Variants in SCHIP1 observed in about 807,000 individuals in gnomAD.
SCHIP1 encodes the protein schwannomin interacting protein 1.
Under a neutral mutation model 29.7 loss-of-function variants are expected in SCHIP1, and 8 were observed. The observed-to-expected ratio is 0.27, with a 90% CI of 0.16 to 0.49. The LOEUF (loss-of-function observed/expected upper bound fraction) is 0.49, where lower values mean the gene tolerates loss of function less well. SCHIP1 is among the 20% of genes least tolerant of loss of function. The pLI is 0.99. For missense variants in SCHIP1, 193 were observed against 294.6 expected (o/e 0.66, Z 2.52); for synonymous variants, 76 against 94.9 (o/e 0.80, Z 1.16).
the SCHIP1 span, among the ~76,000 whole-genome samples, chr3:159,545,308 G>A: frequency 3.9e-5 from 6 of 151,972 alleles, no homozygotes; most frequent in African/African-American, 9.7e-5. Context: ...GGGAAAGGCC[G>A]ACCCAACTTT....
the SCHIP1 span, among the ~76,000 whole-genome samples, chr3:159,637,148 TA>T: frequency 6.6e-6 from 1 of 152,214 alleles, no homozygotes; most frequent in African/African-American, 2.4e-5. Flanking sequence ...GATTTCAGGA[TA>T]TTTTTCATTG....
At chr3:159,471,442 CATAAA>C in the SCHIP1 span, among the ~76,000 whole-genome samples, 3 of 151,832 alleles carry the variant, frequency 2.0e-5, no homozygotes, top group Non-Finnish European at 4.4e-5. Context: ...TAACTCACAC[CATAAA>C]ATAAAATAAA....
intron 1 of SCHIP1, among the ~76,000 whole-genome samples, chr3:159,859,382 G>C (rs1435991116): frequency 6.6e-6 from 1 of 152,152 alleles, no homozygotes; most frequent in African/African-American, 2.4e-5. Context: ...GGTTCATAAT[G>C]TTTAAGAGCT....
chr3:159,833,629 C>T, the SCHIP1 span, among the ~76,000 whole-genome samples: 3 of 152,182 alleles, frequency 2.0e-5, no homozygotes, highest in Non-Finnish European at 4.4e-5. Context: ...TCTGTCTCTA[C>T]AATCTCTCCC....
chr3:159,847,370 A>G (rs991906086), intron 1 of SCHIP1, among the ~76,000 whole-genome samples: 3 of 152,226 alleles, frequency 2.0e-5, no homozygotes, highest in African/African-American at 4.8e-5. Flanking sequence ...ATTCTCTATA[A>G]CAAGGGAAAG....
chr3:159,644,946 A>C, the SCHIP1 span, among the ~76,000 whole-genome samples: 18 of 152,248 alleles, frequency 1.2e-4, no homozygotes, highest in African/African-American at 3.8e-4. Flanking sequence ...TGGAATGAGA[A>C]TATTTAACTA....
chr3:159,550,069 A>AT, the SCHIP1 span, among the ~76,000 whole-genome samples: 1 of 144,422 alleles, frequency 6.9e-6, no homozygotes, highest in African/African-American at 2.6e-5. Context: ...TTATCTTAAG[A>AT]TATCTTAAGA....
At chr3:159,587,384 TA>T in the SCHIP1 span, among the ~76,000 whole-genome samples, 1,061 of 145,586 alleles carry the variant, frequency 7.3e-3, 11 homozygotes, top group African/African-American at 0.019. Flanking sequence ...ACAATTGCTT[TA>T]AAAAAAAAAA....
At chr3:159,591,240 AT>A in the SCHIP1 span, among the ~76,000 whole-genome samples, 4 of 152,224 alleles carry the variant, frequency 2.6e-5, no homozygotes, top group Admixed American at 2.6e-4. Context: ...CTCTCTTCCT[AT>A]TTGAATACCC....
chr3:159,807,213 AGTT>A, the SCHIP1 span, among the ~76,000 whole-genome samples: 1 of 152,206 alleles, frequency 6.6e-6, no homozygotes. Context: ...ACCACTTAAG[AGTT>A]GTAAGTCTAT....
At chr3:159,688,433 CT>C in the SCHIP1 span, among the ~76,000 whole-genome samples, 1 of 152,110 alleles carries the variant, frequency 6.6e-6, no homozygotes, top group Non-Finnish European at 1.5e-5. Flanking sequence ...CCTTTGCCGA[CT>C]TTTTGATGGA....
the SCHIP1 span, among the ~76,000 whole-genome samples, chr3:159,417,797 G>T: frequency 6.6e-6 from 1 of 152,190 alleles, no homozygotes. Context: ...GCAGTGGTTT[G>T]AAATAGTGTT....
chr3:159,765,182 C>A, the SCHIP1 span: 33 of 1,513,932 alleles, frequency 2.2e-5, no homozygotes, highest in Non-Finnish European at 2.9e-5. Flanking sequence ...CACACGCGTA[C>A]ACACCCCGCG....
At chr3:159,511,257 C>T in the SCHIP1 span, among the ~76,000 whole-genome samples, 2 of 152,328 alleles carry the variant, frequency 1.3e-5, no homozygotes, top group South Asian at 4.1e-4. Context: ...GGGCGTTGGA[C>T]CCTCTCAGTC....
the SCHIP1 span, among the ~76,000 whole-genome samples, chr3:159,621,632 T>C: frequency 2.6e-5 from 4 of 152,080 alleles, no homozygotes; most frequent in Middle Eastern, 6.8e-3. Flanking sequence ...TGGGTGTGCA[T>C]GTGTGTGTGG....
chr3:159,644,327 A>G, the SCHIP1 span, among the ~76,000 whole-genome samples: 1 of 152,102 alleles, frequency 6.6e-6, no homozygotes, highest in Non-Finnish European at 1.5e-5. Context: ...TTGACCCATT[A>G]TTACAGACTA....
the SCHIP1 span, among the ~76,000 whole-genome samples, chr3:159,421,928 C>T: frequency 1.3e-5 from 2 of 151,976 alleles, no homozygotes; most frequent in Admixed American, 1.3e-4. Flanking sequence ...CACCATGATA[C>T]TTCAAAGAGA....
chr3:159,798,948 C>A, the SCHIP1 span, among the ~76,000 whole-genome samples: 3 of 152,088 alleles, frequency 2.0e-5, no homozygotes, highest in Admixed American at 2.0e-4. Context: ...ATTTCTTGAA[C>A]TTTTGCTTTT....
At chr3:159,798,306 A>G in the SCHIP1 span, among the ~76,000 whole-genome samples, 2 of 152,156 alleles carry the variant, frequency 1.3e-5, no homozygotes, top group Non-Finnish European at 2.9e-5. Context: ...TCTGTGCCTT[A>G]ATTTTGACAT....
Sources: gnomAD v4.1 joint callset for allele counts (sites outside exome capture counted in the v4.1 genomes callset) on GRCh38, gnomAD v4.1.1 for gene constraint, MANE v1.5 for transcripts, NCBI Gene and HGNC (gene_info 2026-07-23, HGNC 2026-07-21) for gene names.